SDK2: variants seen among roughly 807,000 people sequenced by gnomAD.
SDK2 encodes the protein sidekick cell adhesion molecule 2.
In SDK2, 105 loss-of-function variants were observed where a neutral mutation model predicts 253.9. The observed-to-expected ratio is 0.41, with a 90% CI of 0.35 to 0.49. The LOEUF is 0.49. SDK2 is among the 20% of genes least tolerant of loss of function. SDK2 has a pLI of 0.06. For synonymous variants in SDK2, 1,249 were observed against 1,234.9 expected, an observed-to-expected ratio of 1.01 and a Z score of -0.24; for missense variants, 2,608 against 3,003.0, an observed-to-expected ratio of 0.87 and a Z score of 3.07.
At chr17:73,494,478 C>G (rs1468472105) in intron 2 of SDK2, among the ~76,000 whole-genome samples, 1 of 152,320 alleles carries the variant, frequency 6.6e-6, no homozygotes, top group Admixed American at 6.5e-5. Flanking sequence ...CATTTTCTCC[C>G]CAAGCCAGGA....
At chr17:73,430,421 A>G in intron 12 of SDK2, 90 bp downstream of exon 12, 1 of 962,532 alleles carries the variant, frequency 1.0e-6, no homozygotes, top group Non-Finnish European at 1.6e-6. Context: ...TGCAGCTGTT[A>G]CCTCCCTAAT....
chr17:73,513,485 C>T (rs1186507847), intron 1 of SDK2: 2 of 152,166 alleles, frequency 1.3e-5, no homozygotes, highest in Non-Finnish European at 2.9e-5. Context: ...CAACAGGCAC[C>T]CTCGCAGACA....
At chr17:73,411,995 T>TAC (rs1383067681) in intron 18 of SDK2, among the ~76,000 whole-genome samples, 1 of 137,004 alleles carries the variant, frequency 7.3e-6, no homozygotes, top group African/African-American at 2.7e-5. Context: ...CGTATATATA[T>TAC]ACACACATAT....
At chr17:73,416,324 A>G (rs1420757295) in intron 16 of SDK2, among the ~76,000 whole-genome samples, 2 of 148,116 alleles carry the variant, frequency 1.4e-5, no homozygotes, top group African/African-American at 5.0e-5. Context: ...AGCCTCCCTG[A>G]GTAGCTGGGA....
chr17:73,631,433 C>T (rs117448567), intron 1 of SDK2, among the ~76,000 whole-genome samples: 7 of 152,350 alleles, frequency 4.6e-5, no homozygotes, highest in East Asian at 1.9e-4. Context: ...GTCTGAGCAC[C>T]GGGCACCGTC....
chr17:73,522,669 C>T (rs889994381), intron 1 of SDK2, among the ~76,000 whole-genome samples: 4 of 152,228 alleles, frequency 2.6e-5, no homozygotes, highest in Non-Finnish European at 5.9e-5. Context: ...GCTTCTCTCG[C>T]TCAATGTCAT....
At chr17:73,384,167 C>G (rs2062854126) in intron 32 of SDK2, among the ~76,000 whole-genome samples, 156 bp from the exon 33 acceptor site, 1 of 152,120 alleles carries the variant, frequency 6.6e-6, no homozygotes, top group Admixed American at 6.5e-5. Context: ...ATTTACAAAG[C>G]ACTTCTGATG....
intron 12 of SDK2, among the ~76,000 whole-genome samples, chr17:73,426,137 C>A (rs560688817): frequency 6.9e-6 from 1 of 144,784 alleles, no homozygotes; most frequent in Non-Finnish European, 1.5e-5. Context: ...CTCCGCCTCC[C>A]GGGTTCAAGC....
chr17:73,512,583 G>A (rs971790026), intron 1 of SDK2, among the ~76,000 whole-genome samples: 5 of 151,030 alleles, frequency 3.3e-5, no homozygotes, highest in Non-Finnish European at 5.9e-5. Context: ...ATACACATAC[G>A]AAGGAATTTT....
chr17:73,450,898 G>A (rs1006970120), intron 4 of SDK2, among the ~76,000 whole-genome samples: 47 of 152,196 alleles, frequency 3.1e-4, no homozygotes, highest in African/African-American at 1.1e-3. Context: ...TGCCTGACAT[G>A]GTCTGTCCTA....
At chr17:73,421,389 G>A (rs1270958690) in intron 15 of SDK2, among the ~76,000 whole-genome samples, 2 of 152,140 alleles carry the variant, frequency 1.3e-5, no homozygotes, top group Non-Finnish European at 2.9e-5. Context: ...AAAGAGCCAA[G>A]TGCAAGGCTT....
intron 40 of SDK2, among the ~76,000 whole-genome samples, chr17:73,356,589 A>G (rs1435732506): frequency 6.6e-6 from 1 of 152,212 alleles, no homozygotes; most frequent in Non-Finnish European, 1.5e-5. Context: ...AGGGGAGCAC[A>G]GAAGAAGGGG....
At chr17:73,597,526 G>T (rs749601813) in intron 1 of SDK2, among the ~76,000 whole-genome samples, 1 of 152,108 alleles carries the variant, frequency 6.6e-6, no homozygotes, top group African/African-American at 2.4e-5. Flanking sequence ...GGACATTACC[G>T]TCCTGTCTCT....
In SDK2 at chr17:73,639,440, G is replaced by T. The variant is rs558425139; in HGVS notation, c.64+4585C>A. 6.6e-6 allele frequency among the ~76,000 whole-genome samples: 1 copy of T among 152,210 alleles called. No homozygotes were observed. Among genetic ancestry groups the T allele is most frequent in the African/African-American group, 2.4e-5 (1 of 41,458 alleles). On this transcript the variant is annotated intron_variant, in intron 1 of 44. Coordinates refer to ENST00000392650, the MANE Select transcript of SDK2 (RefSeq NM_001144952.2). This position sits in a 1 kb window ranked among gnomAD's most constrained non-coding sequence, Gnocchi z 4.3. ...GACAGCAGGGGTGGGACACCTAGGG[G>T]AGGGGGCACCCGGGGTGTCTCGGCA...
rs181561726 is a variant in SDK2, at chr17:73,377,871, C to A, written c.4980+1306G>T. Reference sequence around the variant, plus strand: ...AGGTGATCTGCCCGCCTTGGCCTCCCAAAGTGTTGGGATTACAGGTGTGAG... The same window carrying A: ...AGGTGATCTGCCCGCCTTGGCCTCCAAAAGTGTTGGGATTACAGGTGTGAG... On this transcript the variant is annotated intron_variant, in intron 36 of 44. Coordinates refer to ENST00000392650, the MANE Select transcript of SDK2 (RefSeq NM_001144952.2). Among the ~76,000 whole-genome samples, 633 of 152,126 alleles carry A rather than the reference C, an allele frequency of 4.2e-3. 4 individuals carry two copies. The highest frequency in any genetic ancestry group is 0.015 in the African/African-American group (605 of 41,494).
chr17:73,356,678 C>A (rs926195704), intron 40 of SDK2, among the ~76,000 whole-genome samples: 3 of 152,180 alleles, frequency 2.0e-5, no homozygotes, highest in African/African-American at 7.2e-5. Flanking sequence ...GACCACCATG[C>A]CCCTTGCCCC....
intron 44 of SDK2, among the ~76,000 whole-genome samples, chr17:73,340,017 C>G (rs896833833): frequency 6.6e-6 from 1 of 152,014 alleles, no homozygotes; most frequent in Non-Finnish European, 1.5e-5. Context: ...ATTACAGGCA[C>G]CTGCCACCAT....
chr17:73,471,385 G>C (rs940923827), intron 3 of SDK2, among the ~76,000 whole-genome samples: 5 of 152,160 alleles, frequency 3.3e-5, no homozygotes, highest in Non-Finnish European at 5.9e-5. Context: ...ATCACTTGAG[G>C]TCAGGAGTTG....
chr17:73,413,147 C>T (rs544550557), intron 18 of SDK2, among the ~76,000 whole-genome samples: 25 of 152,188 alleles, frequency 1.6e-4, no homozygotes, highest in African/African-American at 6.0e-4. Context: ...CCCCAGTGCT[C>T]ACATTACCAC....
Sources: allele counts gnomAD v4.1 joint callset (sites outside exome capture counted in the v4.1 genomes callset), GRCh38; gene constraint gnomAD v4.1.1; non-coding constraint Gnocchi (gnomAD v3.1); transcripts MANE v1.5; gene names NCBI Gene and HGNC (gene_info 2026-07-23, HGNC 2026-07-21).